The following B3GNT2 variants were observed in gnomAD, a reference collection of about 807,000 sequenced individuals.
B3GNT2 encodes N-acetyllactosaminide beta-1,3-N-acetylglucosaminyltransferase 2.
A neutral mutation model predicts 27.6 loss-of-function variants in B3GNT2; 12 were observed. The observed-to-expected ratio is 0.44, with a 90% confidence interval of 0.28 to 0.71. The LOEUF is 0.71. B3GNT2 is among the 30% of genes least tolerant of loss of function. The pLI, the probability that B3GNT2 is intolerant of heterozygous loss-of-function variation, is 0.17. For synonymous variants in B3GNT2, 192 were observed against 189.7 expected (o/e 1.01, Z -0.10); for missense variants, 413 against 488.5 (o/e 0.85, Z 1.46).
At chr2:62,214,925 C>A (rs1163307586) in intron 1 of B3GNT2, among the ~76,000 whole-genome samples, 1 of 152,118 alleles carries the variant, frequency 6.6e-6, no homozygotes, top group Non-Finnish European at 1.5e-5. Context: ...GACCTAAAAC[C>A]CTCTTTAGTT....
chr2:62,214,118 T>C (rs1180319467), intron 1 of B3GNT2, among the ~76,000 whole-genome samples: 2 of 152,098 alleles, frequency 1.3e-5, no homozygotes, highest in Non-Finnish European at 2.9e-5. Context: ...AAACCCTGAG[T>C]TCAACCTCTG....
In B3GNT2 at chr2:62,224,507, T is replaced by C. The variant is rs1674785351; in HGVS notation, c.*1093T>C. On this transcript the variant is annotated 3_prime_UTR_variant, in exon 2 of 2. Transcript: ENST00000301998. ...TTTAACTAGAGCATGATATTTTAAATGTTAAGGTGTAACATATGTTAAATA... is the reference window on the plus strand; with the variant it reads ...TTTAACTAGAGCATGATATTTTAAACGTTAAGGTGTAACATATGTTAAATA... 1 of 167,138 alleles carries C rather than the reference T, an allele frequency of 6.0e-6. No individual in the cohort carries two copies. Among genetic ancestry groups the C allele is most frequent in the Admixed American group, 6.5e-5 (1 of 15,290 alleles). The allele number at this position is 167,138 out of a possible 1,614,324, so 10.4% of individuals were successfully genotyped here.
intron 1 of B3GNT2, among the ~76,000 whole-genome samples, chr2:62,207,133 A>G (rs1448636722): frequency 1.3e-5 from 2 of 151,972 alleles, no homozygotes; most frequent in African/African-American, 2.4e-5. Context: ...AGACAAATGT[A>G]AACGTTTATC....
intron 1 of B3GNT2, among the ~76,000 whole-genome samples, chr2:62,215,285 G>C (rs1237659638): frequency 6.6e-6 from 1 of 152,208 alleles, no homozygotes; most frequent in East Asian, 1.9e-4. Context: ...GTGACTTACA[G>C]ACTGGAGAGC....
chr2:62,223,132 A>G lies in B3GNT2; in HGVS notation c.912A>G (p.Ala304=). 3 of 1,614,154 alleles carry G rather than the reference A, an allele frequency of 1.9e-6. No individual in the cohort carries two copies. Among genetic ancestry groups the G allele is most frequent in the East Asian group, 2.2e-5 (1 of 44,886 alleles). The part of the protein sequence containing the change: ...VVYSGLYPPY[A]GGGGFLYSGH... ...ACTCTGGCCTCTACCCACCCTATGCAGGGGGAGGGGGGTTCCTCTACTCCG... is the reference window on the plus strand; with the variant it reads ...ACTCTGGCCTCTACCCACCCTATGCGGGGGGAGGGGGGTTCCTCTACTCCG... Residue 304 remains alanine, a synonymous_variant, in exon 2 of 2, where the codon GCA becomes GCG. Coordinates refer to ENST00000301998, the MANE Select transcript of B3GNT2 (RefSeq NM_006577.6).
intron 1 of B3GNT2, among the ~76,000 whole-genome samples, chr2:62,200,142 CT>C (rs1166236595): frequency 5.9e-5 from 9 of 152,140 alleles, no homozygotes; most frequent in Non-Finnish European, 1.3e-4. Flanking sequence ...CCAGCTTTGT[CT>C]TTTTGCCTTG....
intron 1 of B3GNT2, chr2:62,215,410 G>C (rs561789002): frequency 1.3e-5 from 2 of 152,398 alleles, no homozygotes; most frequent in South Asian, 4.1e-4. Flanking sequence ...CGCAATCAAG[G>C]AACAAGCTGT....
intron 1 of B3GNT2, among the ~76,000 whole-genome samples, chr2:62,212,932 A>G (rs1573265956): frequency 6.6e-6 from 1 of 152,146 alleles, no homozygotes; most frequent in African/African-American, 2.4e-5. Flanking sequence ...AAGTCTTTAG[A>G]GATTTCTGAG....
chr2:62,213,281 C>T (rs993806660), intron 1 of B3GNT2, among the ~76,000 whole-genome samples: 2 of 152,140 alleles, frequency 1.3e-5, no homozygotes, highest in South Asian at 2.1e-4. Context: ...TGGGCGACAG[C>T]GGAGACCCTG....
intron 1 of B3GNT2, among the ~76,000 whole-genome samples, chr2:62,210,483 C>T (rs182727416): frequency 4.0e-5 from 6 of 151,490 alleles, no homozygotes; most frequent in African/African-American, 1.5e-4. Flanking sequence ...AAAAGGAGGA[C>T]AGTGGCCGGG....
chr2:62,200,863 T>G (rs896820786), intron 1 of B3GNT2, among the ~76,000 whole-genome samples: 6 of 152,350 alleles, frequency 3.9e-5, no homozygotes, highest in Middle Eastern at 3.4e-3. Context: ...TGAATTCTAT[T>G]TTTACCACTT....
intron 1 of B3GNT2, among the ~76,000 whole-genome samples, chr2:62,219,388 C>G (rs1558636664): frequency 1.3e-5 from 2 of 152,212 alleles, no homozygotes; most frequent in Admixed American, 6.5e-5. Context: ...TCTCAGCTCA[C>G]TGCAACCTCA....
chr2:62,221,498 G>A (rs1674691471), intron 1 of B3GNT2, among the ~76,000 whole-genome samples: 1 of 151,924 alleles, frequency 6.6e-6, no homozygotes, highest in African/African-American at 2.4e-5. Flanking sequence ...AATAACTCAG[G>A]GTTGGGACTA....
Position 62,220,025 on chromosome 2 carries a change from T to C in B3GNT2, c.-9-2187T>C, listed in dbSNP as rs189908330. On this transcript the variant is annotated intron_variant, in intron 1 of 1. Coordinates refer to ENST00000301998, the MANE Select transcript of B3GNT2 (RefSeq NM_006577.6). The stretch of plus-strand genomic sequence containing the variant: ...GCACTTGGGGAAGTCAAAGATCTTG[T>C]GGCCTCTGGCCACATGACTTCTGAG... Among the ~76,000 whole-genome samples the C allele has an allele frequency of 1.4e-3, 215 of 152,356 alleles. 3 individuals are homozygous for C. Among genetic ancestry groups the C allele is most frequent in the African/African-American group, 5.0e-3 (207 of 41,586 alleles).
chr2:62,197,143 T>C (rs1674165266), intron 1 of B3GNT2, among the ~76,000 whole-genome samples: 2 of 151,892 alleles, frequency 1.3e-5, no homozygotes, highest in Admixed American at 1.3e-4. Context: ...AGGGAGCGCC[T>C]GAAGCCGGAC....
At chr2:62,202,671 C>T (rs2104185731) in intron 1 of B3GNT2, among the ~76,000 whole-genome samples, 1 of 152,308 alleles carries the variant, frequency 6.6e-6, no homozygotes, top group East Asian at 1.9e-4. Flanking sequence ...ATTGCAGTCC[C>T]TGCGTTCTCT....
chr2:62,204,206 A>G (rs1674325163), intron 1 of B3GNT2, among the ~76,000 whole-genome samples: 1 of 152,146 alleles, frequency 6.6e-6, no homozygotes, highest in Non-Finnish European at 1.5e-5. Flanking sequence ...TTGTATTTCT[A>G]GTAGAGACAG....
chr2:62,202,126 G>A (rs1674278271), intron 1 of B3GNT2, among the ~76,000 whole-genome samples: 1 of 152,242 alleles, frequency 6.6e-6, no homozygotes, highest in Non-Finnish European at 1.5e-5. Flanking sequence ...CATTGATTGA[G>A]CACTTGGTGT....
intron 1 of B3GNT2, among the ~76,000 whole-genome samples, chr2:62,209,114 TG>T (rs35707238): frequency 6.6e-6 from 1 of 152,078 alleles, no homozygotes; most frequent in Admixed American, 6.5e-5. Flanking sequence ...TCCTAGTAGC[TG>T]GGATTACAGA....
Sources: gnomAD v4.1 joint callset for allele counts (sites outside exome capture counted in the v4.1 genomes callset) on GRCh38, gnomAD v4.1.1 for gene constraint, MANE v1.5 for transcripts, NCBI Gene and HGNC (gene_info 2026-07-23, HGNC 2026-07-21) for gene names.